Variants in SLC6A11 observed in about 807,000 individuals in gnomAD.
The protein encoded by SLC6A11 is sodium- and chloride-dependent GABA transporter 3.
Under a neutral mutation model 74.8 loss-of-function variants are expected in SLC6A11, and 25 were observed. That is an observed-to-expected ratio of 0.33 (90% CI 0.24 to 0.47). SLC6A11 has a LOEUF of 0.47. Ranked by LOEUF, SLC6A11 falls within the 20% of genes least tolerant of loss-of-function variation. The pLI, the probability that SLC6A11 is intolerant of heterozygous loss-of-function variation, is 1.00. For synonymous variants in SLC6A11, 330 were observed against 330.2 expected (o/e 1.00, Z 0.01); for missense variants, 574 against 837.0 (o/e 0.69, Z 3.88).
intron 6 of SLC6A11, among the ~76,000 whole-genome samples, chr3:10,885,596 AT>A (rs1214755533): frequency 0.013 from 1,438 of 112,024 alleles, 75 homozygotes; most frequent in East Asian, 0.12. Context: ...AGCCCCCATG[AT>A]AAAAAAAAAA....
intron 6 of SLC6A11, among the ~76,000 whole-genome samples, chr3:10,904,421 A>T (rs1695277764): frequency 6.6e-6 from 1 of 152,136 alleles, no homozygotes; most frequent in Non-Finnish European, 1.5e-5. Flanking sequence ...TTCCCATGCA[A>T]ATCTGTCCTC....
intron 2 of SLC6A11, 51 bp from the exon 3 acceptor site, chr3:10,819,661 A>AT: frequency 6.2e-7 from 1 of 1,610,998 alleles, no homozygotes; most frequent in Non-Finnish European, 8.5e-7. Flanking sequence ...GCAAAGGCAG[A>AT]TTGTTTTGAA....
At chr3:10,842,829 T>A (rs1315798601) in intron 4 of SLC6A11, among the ~76,000 whole-genome samples, 1 of 152,180 alleles carries the variant, frequency 6.6e-6, no homozygotes, top group Non-Finnish European at 1.5e-5. Context: ...AGTCTGATTT[T>A]GTTTGGGGAC....
intron 5 of SLC6A11, among the ~76,000 whole-genome samples, chr3:10,868,939 T>G (rs752436403): frequency 6.2e-4 from 95 of 152,226 alleles, no homozygotes; most frequent in Middle Eastern, 6.3e-3. Context: ...TCTGAAAATC[T>G]GATTCAATTT....
intron 5 of SLC6A11, among the ~76,000 whole-genome samples, chr3:10,853,676 T>A (rs940079889): frequency 5.3e-5 from 8 of 152,220 alleles, no homozygotes; most frequent in Admixed American, 2.6e-4. Context: ...CTCTGCTCTA[T>A]AGGCCTTTCA....
intron 6 of SLC6A11, 87 bp from the exon 7 acceptor site, chr3:10,912,003 G>A (rs1695394058): frequency 1.6e-5 from 14 of 879,622 alleles, no homozygotes; most frequent in Non-Finnish European, 2.5e-5. Context: ...AGGGTAGAGT[G>A]TGGGTGGGGG....
intron 6 of SLC6A11, among the ~76,000 whole-genome samples, chr3:10,878,522 A>C (rs1694938288): frequency 6.7e-6 from 1 of 149,456 alleles, no homozygotes; most frequent in Non-Finnish European, 1.5e-5. Context: ...CTCCTGCCTC[A>C]GCCTCCTGAG....
chr3:10,918,257 G>C lies in SLC6A11; in HGVS notation c.996-72G>C. On this transcript the variant is annotated intron_variant, in intron 7 of 13. Transcript: ENST00000254488. This position sits in a 1 kb window ranked among gnomAD's most constrained non-coding sequence, Gnocchi z 4.5. ...CCTCACAGGACAGCCATGGTGCTCG[G>C]GTGGAGAACGTTTGAGCCGTGCACC... The C allele has an allele frequency of 6.8e-7, 1 of 1,465,046 alleles. No homozygotes were observed. Among genetic ancestry groups the C allele is most frequent in the South Asian group, 1.5e-5 (1 of 67,568 alleles). The allele number at this position is 1,465,046 out of a possible 1,614,324, so 90.8% of individuals were successfully genotyped here. A position where few individuals can be genotyped will look rare whatever the true frequency, so the allele number is the denominator to read the frequency against.
chr3:10,859,838 C>T (rs566537774), intron 5 of SLC6A11, among the ~76,000 whole-genome samples: 53 of 152,306 alleles, frequency 3.5e-4, no homozygotes, highest in African/African-American at 1.3e-3. Context: ...AGTATAAACA[C>T]TTCCAATTAA....
At chr3:10,917,691 G>A (rs917767678) in intron 7 of SLC6A11, among the ~76,000 whole-genome samples, 2 of 152,124 alleles carry the variant, frequency 1.3e-5, no homozygotes, top group African/African-American at 2.4e-5. Context: ...GAGTCCCCCC[G>A]CTCCCAAGAG....
At chr3:10,878,052 C>T (rs1057312525) in intron 6 of SLC6A11, among the ~76,000 whole-genome samples, 7 of 152,208 alleles carry the variant, frequency 4.6e-5, no homozygotes, top group African/African-American at 1.7e-4. Flanking sequence ...CCAGAAATGG[C>T]TCCTTGACCA....
At chr3:10,853,276 G>T (rs1341910770) in intron 5 of SLC6A11, among the ~76,000 whole-genome samples, 1 of 152,190 alleles carries the variant, frequency 6.6e-6, no homozygotes, top group East Asian at 1.9e-4. Context: ...ATGAGCAAAA[G>T]CTCAAAGGGG....
chr3:10,925,495 G>A (rs1695591399), intron 8 of SLC6A11, among the ~76,000 whole-genome samples: 1 of 152,172 alleles, frequency 6.6e-6, no homozygotes, highest in South Asian at 2.1e-4. Flanking sequence ...TCTATGTGCA[G>A]CAACTAAAAC....
intron 6 of SLC6A11, among the ~76,000 whole-genome samples, chr3:10,904,910 G>A (rs1467430228): frequency 6.6e-6 from 1 of 152,210 alleles, no homozygotes; most frequent in Non-Finnish European, 1.5e-5. Flanking sequence ...TACCTAGTAA[G>A]ATCATTAGCA....
intron 6 of SLC6A11, among the ~76,000 whole-genome samples, chr3:10,898,315 G>T (rs1213214304): frequency 6.6e-6 from 1 of 152,180 alleles, no homozygotes; most frequent in East Asian, 1.9e-4. Flanking sequence ...CAGAAAATGG[G>T]TTTTTCTTTT....
intron 3 of SLC6A11, among the ~76,000 whole-genome samples, chr3:10,820,403 C>T (rs913107944): frequency 1.3e-5 from 2 of 152,222 alleles, no homozygotes; most frequent in Non-Finnish European, 2.9e-5. Context: ...CTTAAACGAT[C>T]TGGTGACACC....
intron 6 of SLC6A11, among the ~76,000 whole-genome samples, chr3:10,877,482 C>G (rs1694923789): frequency 6.6e-6 from 1 of 152,152 alleles, no homozygotes; most frequent in African/African-American, 2.4e-5. Flanking sequence ...GGTTTCTGCC[C>G]AGAGAAGCCT....
chr3:10,824,059 T>A (rs1694172906), intron 4 of SLC6A11: 1 of 153,006 alleles, frequency 6.5e-6, no homozygotes. Context: ...TTTATCAGAG[T>A]TCCAAAGGAT....
At chr3:10,867,175 G>A (rs1284216537) in intron 5 of SLC6A11, among the ~76,000 whole-genome samples, 1 of 152,196 alleles carries the variant, frequency 6.6e-6, no homozygotes, top group Non-Finnish European at 1.5e-5. Flanking sequence ...GGCTGGGAGA[G>A]TGGGCGATGG....
Sources: allele counts gnomAD v4.1 joint callset (sites outside exome capture counted in the v4.1 genomes callset), GRCh38; gene constraint gnomAD v4.1.1; non-coding constraint Gnocchi (gnomAD v3.1); transcripts MANE v1.5; gene names NCBI Gene and HGNC (gene_info 2026-07-23, HGNC 2026-07-21).